Variants in PRRC2B observed in about 807,000 individuals in gnomAD.
PRRC2B encodes the protein proline rich coiled-coil 2B.
A neutral mutation model predicts 242.3 loss-of-function variants in PRRC2B; 68 were observed. The observed-to-expected ratio is 0.28, with a 90% CI of 0.23 to 0.34. PRRC2B has a LOEUF of 0.34. Ranked by LOEUF, PRRC2B falls within the 10% of genes least tolerant of loss-of-function variation. The pLI is 1.00. For synonymous variants in PRRC2B, 1,228 were observed against 1,173.6 expected (o/e 1.05, Z -0.95); for missense variants, 2,835 against 2,954.8 (o/e 0.96, Z 0.94).
At chr9:131,400,260 ATTT>A (rs1837192663) in intron 1 of PRRC2B, among the ~76,000 whole-genome samples, 1 of 150,444 alleles carries the variant, frequency 6.6e-6, no homozygotes, top group Non-Finnish European at 1.5e-5. Context: ...TAAGTTTTGT[ATTT>A]TTTTGTGGAG....
upstream of PRRC2B, among the ~76,000 whole-genome samples, chr9:131,393,435 C>G (rs1836939474): frequency 6.6e-6 from 1 of 152,192 alleles, no homozygotes; most frequent in African/African-American, 2.4e-5. Context: ...TCTCCCGGAC[C>G]TTTTGTTTTG....
intron 1 of PRRC2B, among the ~76,000 whole-genome samples, chr9:131,397,571 T>G (rs1387337744): frequency 4.1e-5 from 6 of 145,558 alleles, no homozygotes; most frequent in African/African-American, 1.6e-4. Context: ...GGGTTTTTTT[T>G]TTTTTTTTTT....
intron 2 of PRRC2B, among the ~76,000 whole-genome samples, chr9:131,430,510 TATAGATAG>T (rs57445338): frequency 0.71 from 103,199 of 145,050 alleles, 37,104 homozygotes; most frequent in East Asian, 0.92. Context: ...TATAGATATC[TATAGATAG>T]ATAGATAGAT....
rs112198206 is a variant in PRRC2B at position 131,463,941 on chromosome 9, CT to C, written c.1405-808del. On this transcript the variant is annotated intron_variant, in intron 11 of 31. Transcript: ENST00000683519. ...AGCTACCGTGCCTTTGCTAGACATG[CT>C]TTTTTTTTTTTTTCCCCCAGATGGA... 7.9e-3 allele frequency among the ~76,000 whole-genome samples: 1,112 copies of C among 140,336 alleles called. 2 individuals carry two copies. Among genetic ancestry groups the C allele is most frequent in the South Asian group, 0.012 (54 of 4,378 alleles). 92.1% of individuals were successfully genotyped at this position (140,336 alleles called of 152,430 possible).
At chr9:131,406,585 T>G (rs1246728116) in intron 1 of PRRC2B, among the ~76,000 whole-genome samples, 1 of 152,170 alleles carries the variant, frequency 6.6e-6, no homozygotes, top group Non-Finnish European at 1.5e-5. Flanking sequence ...AAATCATGTC[T>G]TTTGCTCCTT....
chr9:131,417,072 G>A (rs1233845506), intron 1 of PRRC2B, among the ~76,000 whole-genome samples: 1 of 152,134 alleles, frequency 6.6e-6, no homozygotes, highest in East Asian at 1.9e-4. Context: ...ATTGGAAACT[G>A]CATGGACTCT....
intron 1 of PRRC2B, among the ~76,000 whole-genome samples, chr9:131,402,737 T>C (rs1837257927): frequency 6.6e-6 from 1 of 152,154 alleles, no homozygotes; most frequent in Admixed American, 6.5e-5. Flanking sequence ...TAAGCACCTA[T>C]TGAAAATAGT....
chr9:131,449,386 G>T (rs544272888), intron 9 of PRRC2B, among the ~76,000 whole-genome samples: 2 of 152,010 alleles, frequency 1.3e-5, no homozygotes, highest in African/African-American at 2.4e-5. Flanking sequence ...AAGAGACAGG[G>T]TCTCACTTTG....
intron 1 of PRRC2B, among the ~76,000 whole-genome samples, chr9:131,420,486 T>TCTCTTTCTC (rs1837793223): frequency 5.5e-5 from 1 of 18,270 alleles, no homozygotes; most frequent in African/African-American, 1.2e-4. Flanking sequence ...TCTTTCTTTC[T>TCTCTTTCTC]TTCTTTCTTT....
intron 1 of PRRC2B, among the ~76,000 whole-genome samples, chr9:131,421,859 A>C (rs1031439453): frequency 6.6e-6 from 1 of 152,248 alleles, no homozygotes. Context: ...GCCTGGGCTG[A>C]CTTATATCAG....
chr9:131,475,696 C>G lies in PRRC2B; in HGVS notation c.3567C>G (p.Ser1189Arg), dbSNP rs753868745. 1.4e-5 allele frequency: 23 copies of G among 1,612,750 alleles called. No homozygotes were observed. The highest frequency in any genetic ancestry group is 1.9e-5 in the Non-Finnish European group (23 of 1,179,544). The change falls in exon 16 of 32, where the codon AGC (serine) becomes AGG (arginine). Residue 1189 changes from serine to arginine, a missense_variant. By Grantham distance (110) the Ser-to-Arg change is moderately radical. Around this residue, in one of 7 missense-constraint regions of PRRC2B, gnomAD observed 1,536 missense variants for 1,483.1 expected, o/e 1.04. Transcript: ENST00000683519. ...ACAAGGGGTGCTCTGAGGACCACAG[C>G]GGTCTAGATGCCAAGAGCCGAGGCC... ...RSNKGCSEDHSGLDAKSRGPR... is the reference protein window; with the variant it reads ...RSNKGCSEDHRGLDAKSRGPR...
At chr9:131,474,402 A>G in intron 15 of PRRC2B, 52 bp from the exon 16 acceptor site, 1 of 1,479,400 alleles carries the variant, frequency 6.8e-7, no homozygotes, top group Admixed American at 2.1e-5. Context: ...CAGCATGGAA[A>G]CCAGGAACCA....
chr9:131,453,875 C>T (rs974893902), intron 9 of PRRC2B, among the ~76,000 whole-genome samples: 4 of 152,124 alleles, frequency 2.6e-5, no homozygotes, highest in Non-Finnish European at 5.9e-5. Flanking sequence ...ATATGATTGA[C>T]ATAATTGTCA....
At chr9:131,431,271 C>CA (rs574347709) in intron 2 of PRRC2B, among the ~76,000 whole-genome samples, 19 of 152,242 alleles carry the variant, frequency 1.2e-4, no homozygotes, top group Non-Finnish European at 2.5e-4. Context: ...GCTGGGACGA[C>CA]AGGCGCCCAC....
At position 131,415,704 on chromosome 9, in the gene PRRC2B, T is replaced by G. The variant is rs180794912; in HGVS notation, c.-51-14390T>G. ...GGTAAGAAGTCTCCATCATTGTTGC[T>G]CCTGAGAACTCATTGCCATTCTGAT... On this transcript the variant is annotated intron_variant, in intron 1 of 31. Coordinates refer to ENST00000683519, the MANE Select transcript of PRRC2B (RefSeq NM_013318.4). 4.6e-5 allele frequency among the ~76,000 whole-genome samples: 7 copies of G among 152,316 alleles called. No individual in the cohort carries two copies. The East Asian group carries it at 9.7e-4, about 21-fold the overall frequency.
chr9:131,465,113 C>T (rs72772617), intron 12 of PRRC2B, 35 bp downstream of exon 12: 66,883 of 1,568,414 alleles, frequency 0.043, 1,662 homozygotes, highest in Non-Finnish European at 0.049. Context: ...CAACTGGAAA[C>T]CCTGGCCTGT....
At chr9:131,478,655 G>T in intron 18 of PRRC2B, 36 bp downstream of exon 18, 1 of 1,412,350 alleles carries the variant, frequency 7.1e-7, no homozygotes, top group East Asian at 2.4e-5. Context: ...TGGGGCTGGA[G>T]GGCAGGCTGG....
At chr9:131,389,494 G>T (rs368125279), upstream of PRRC2B, among the ~76,000 whole-genome samples, 4 of 150,602 alleles carry the variant, frequency 2.7e-5, no homozygotes, top group African/African-American at 9.7e-5. Flanking sequence ...CTATTTTCTC[G>T]ACTGTTAAGT....
chr9:131,467,457 C>T, intron 12 of PRRC2B, 106 bp from the exon 13 acceptor site: 1 of 980,304 alleles, frequency 1.0e-6, no homozygotes, highest in Non-Finnish European at 1.5e-6. Flanking sequence ...ACTGTTCTAG[C>T]AGTGGAGCGT....
Sources: allele counts gnomAD v4.1 joint callset (sites outside exome capture counted in the v4.1 genomes callset), GRCh38; gene constraint gnomAD v4.1.1; regional missense constraint gnomAD v4.1.1; transcripts MANE v1.5; gene names NCBI Gene and HGNC (gene_info 2026-07-23, HGNC 2026-07-21).